The following TBCD variants were observed in gnomAD, a reference collection of about 807,000 sequenced individuals.
TBCD encodes tubulin-specific chaperone D.
In TBCD, 105 loss-of-function variants were observed where a neutral mutation model predicts 169.3. The ratio of observed to expected loss-of-function variants is 0.62; its 90% CI spans 0.53 to 0.73. The LOEUF is 0.73. TBCD is among the 30% of genes least tolerant of loss of function. The probability of loss-of-function intolerance (pLI) is 0.00; values close to 1 mark genes in which losing one functional copy is unlikely to be tolerated. For synonymous variants in TBCD, 700 were observed against 643.9 expected (o/e 1.09, Z -1.32); for missense variants, 1,444 against 1,600.1 (o/e 0.90, Z 1.66).
intron 7 of TBCD, chr17:82,795,468 T>C (rs2050034578): frequency 4.2e-6 from 4 of 944,916 alleles, no homozygotes; most frequent in Middle Eastern, 5.3e-4. Context: ...CCACTGGGGT[T>C]TTCCAGCAGC....
chr17:82,872,951 C>T (rs2057702603), intron 14 of TBCD, among the ~76,000 whole-genome samples: 1 of 142,762 alleles, frequency 7.0e-6, no homozygotes, highest in Non-Finnish European at 1.5e-5. Context: ...AGGCCCGGCA[C>T]CTCGTGGCCG....
At chr17:82,904,889 G>A (rs768107760) in intron 19 of TBCD, among the ~76,000 whole-genome samples, 1 of 152,120 alleles carries the variant, frequency 6.6e-6, no homozygotes, top group African/African-American at 2.4e-5. Context: ...TCCTCCACCC[G>A]GTTGAAGAGC....
intron 27 of TBCD, among the ~76,000 whole-genome samples, chr17:82,925,793 C>T (rs535405405): frequency 5.3e-5 from 8 of 152,264 alleles, no homozygotes; most frequent in African/African-American, 9.6e-5. Flanking sequence ...ATGAGGTTGT[C>T]GGGACCCAGC....
rs112740538 is a variant in TBCD, at chr17:82,841,514, T to C, written c.1318+26580T>C. ...TGTAGAGACAGGGTTTTGCCATGTTTCCTAGGATGGTTTAATACCTTAAAA... is the reference window on the plus strand; with the variant it reads ...TGTAGAGACAGGGTTTTGCCATGTTCCCTAGGATGGTTTAATACCTTAAAA... On this transcript the variant is annotated intron_variant, in intron 13 of 38. Transcript: ENST00000355528. Among the ~76,000 whole-genome samples the C allele has an allele frequency of 8.2e-4, 125 of 152,214 alleles. 1 individual carries two copies. The Middle Eastern group carries it at 0.01, about 12-fold the overall frequency.
chr17:82,770,995 C>G (rs995926542), intron 5 of TBCD, among the ~76,000 whole-genome samples: 1 of 144,642 alleles, frequency 6.9e-6, no homozygotes, highest in African/African-American at 2.6e-5. Flanking sequence ...TTGCAGTGAG[C>G]CAAGATTGCA....
intron 13 of TBCD, among the ~76,000 whole-genome samples, chr17:82,825,182 T>C (rs1023002855): frequency 6.6e-6 from 1 of 152,200 alleles, no homozygotes; most frequent in African/African-American, 2.4e-5. Context: ...GCTCTGCCCC[T>C]GCTTCTCCCT....
At chr17:82,830,138 G>A (rs773745091) in intron 13 of TBCD, 4 of 1,613,466 alleles carry the variant, frequency 2.5e-6, no homozygotes, top group East Asian at 2.2e-5. Context: ...GTGTGAACCC[G>A]GCGTTAGGAC....
In TBCD at chr17:82,764,154, GAT is replaced by G. The variant is rs749406345; in HGVS notation, c.333+94_333+95del. On this transcript the variant is annotated intron_variant, in intron 3 of 38. Transcript: ENST00000355528. The stretch of plus-strand genomic sequence containing the variant: ...CTCCAAAATGTTATTTCTCAAGAAA[GAT>G]AGTTCTTAGACACAAGTTGTGGGTT... 2.9e-5 allele frequency: 30 copies of G among 1,022,912 alleles called. No homozygotes were observed. The South Asian group carries it at 4.2e-4, about 14-fold the overall frequency. The allele number at this position is 1,022,912 out of a possible 1,614,324, so 63.4% of individuals were successfully genotyped here. A position where few individuals can be genotyped will look rare whatever the true frequency, so the allele number is the denominator to read the frequency against.
chr17:82,814,755 C>T, intron 12 of TBCD, 85 bp from the exon 13 acceptor site: 1 of 1,314,104 alleles, frequency 7.6e-7, no homozygotes, highest in Non-Finnish European at 1.1e-6. Flanking sequence ...TATGGACCTG[C>T]CAGGCTGTGC....
intron 33 of TBCD, 62 bp from the exon 34 acceptor site, chr17:82,932,596 T>TTC: frequency 7.2e-7 from 1 of 1,393,978 alleles, no homozygotes; most frequent in South Asian, 1.2e-5. Flanking sequence ...CTCTCAGCCA[T>TTC]TCAGGGAGTT....
At chr17:82,902,475 T>G (rs2059957720) in intron 18 of TBCD, among the ~76,000 whole-genome samples, 1 of 152,250 alleles carries the variant, frequency 6.6e-6, no homozygotes, top group Non-Finnish European at 1.5e-5. Context: ...GGCGATGGTC[T>G]TCTAGACAGC....
chr17:82,891,777 G>C (rs1024651858), intron 16 of TBCD, among the ~76,000 whole-genome samples: 1 of 152,096 alleles, frequency 6.6e-6, no homozygotes, highest in Non-Finnish European at 1.5e-5. Context: ...GGGGCTGGGG[G>C]CAGAGACGAG....
At chr17:82,850,202 G>C (rs2055621778) in intron 13 of TBCD, among the ~76,000 whole-genome samples, 1 of 128,350 alleles carries the variant, frequency 7.8e-6, no homozygotes. Flanking sequence ...TGTTGGCTGT[G>C]CTGTTGTTGG....
intron 6 of TBCD, among the ~76,000 whole-genome samples, chr17:82,774,462 A>C (rs996334066): frequency 4.6e-5 from 7 of 152,222 alleles, no homozygotes; most frequent in African/African-American, 1.4e-4. Context: ...CTACACAGAC[A>C]CAGTAACAAA....
chr17:82,917,822 G>T (rs2061157833), intron 23 of TBCD, among the ~76,000 whole-genome samples: 1 of 152,222 alleles, frequency 6.6e-6, no homozygotes, highest in Admixed American at 6.5e-5. Context: ...TGGATGCACT[G>T]TTGGGGGTTT....
intron 34 of TBCD, 79 bp from the exon 35 acceptor site, chr17:82,937,192 C>G (rs760978325): frequency 4.4e-6 from 6 of 1,362,098 alleles, no homozygotes; most frequent in Non-Finnish European, 6.3e-6. Context: ...ACGGAGTTGA[C>G]CTTCTTTGAG....
chr17:82,846,325 G>A lies in TBCD; in HGVS notation c.1319-23899G>A, dbSNP rs544565921. 6.3e-3 allele frequency among the ~76,000 whole-genome samples: 446 copies of A among 71,022 alleles called. 9 individuals are homozygous for A. Among genetic ancestry groups the A allele is most frequent in the African/African-American group, 0.011 (251 of 23,568 alleles). 46.6% of individuals were successfully genotyped at this position (71,022 alleles called of 152,430 possible). ...CTCCACGTGCTGCGTCCAGCGTGCCGTGTCCTCTCGTCCAGCCCTCTGCTG... is the reference window on the plus strand; with the variant it reads ...CTCCACGTGCTGCGTCCAGCGTGCCATGTCCTCTCGTCCAGCCCTCTGCTG... On this transcript the variant is annotated intron_variant, in intron 13 of 38. Transcript: ENST00000355528.
At chr17:82,756,090 GA>G in intron 1 of TBCD, 74 bp from the exon 2 acceptor site, 3 of 1,358,404 alleles carry the variant, frequency 2.2e-6, no homozygotes, top group Admixed American at 3.9e-5. Flanking sequence ...GCTAGCAAGG[GA>G]AAATGGGGTT....
chr17:82,937,559 G>A (rs942068550), intron 35 of TBCD, 199 bp downstream of exon 35: 24 of 616,004 alleles, frequency 3.9e-5, no homozygotes, highest in African/African-American at 3.9e-4. Context: ...GGGAGTTCCC[G>A]CGGGAACAGG....
Sources: allele counts gnomAD v4.1 joint callset (sites outside exome capture counted in the v4.1 genomes callset), GRCh38; gene constraint gnomAD v4.1.1; transcripts MANE v1.5; gene names NCBI Gene and HGNC (gene_info 2026-07-23, HGNC 2026-07-21).